The following TPPP3 variants were observed in gnomAD, a reference collection of about 807,000 sequenced individuals.
TPPP3 encodes tubulin polymerization-promoting protein family member 3.
A neutral mutation model predicts 13.1 loss-of-function variants in TPPP3; 7 were observed. The observed-to-expected ratio is 0.54, with a 90% CI of 0.30 to 1.01. The LOEUF (loss-of-function observed/expected upper bound fraction) is 1.01. Among genes scored for constraint, TPPP3 ranks in the 50% least tolerant of loss-of-function variants. The pLI is 0.06. For missense variants in TPPP3, 185 were observed against 235.0 expected (o/e 0.79, Z 1.39); for synonymous variants, 87 against 93.7 (o/e 0.93, Z 0.41).
Position 67,391,064 on chromosome 16 carries a change from C to G in TPPP3, c.48G>C (p.Lys16Asn). Residue 16 changes from lysine to asparagine, a missense_variant, in exon 2 of 4, where the codon AAG becomes AAC. Physicochemically the swap from Lys to Asn is moderately conservative, Grantham distance 94. Transcript: ENST00000393957. This position sits in a 1 kb window ranked among gnomAD's most constrained non-coding sequence, Gnocchi z 6.3. Reference protein sequence around the residue: ...DMAGLEESFRKFAIHGDPKAS... With the variant: ...DMAGLEESFRNFAIHGDPKAS... ...CCTTGGGGTCACCATGGATGGCAAA[C>G]TTGCGGAAGCTCTCCTCCAGCCCAG... 1 of 1,614,212 alleles carries G rather than the reference C, an allele frequency of 6.2e-7. No individual in the cohort carries two copies. The highest frequency in any genetic ancestry group is 1.6e-4 in the Middle Eastern group (1 of 6,062).
In TPPP3 at chr16:67,393,189, G is replaced by T; in HGVS notation, c.-7+191C>A. Reference sequence around the variant, plus strand: ...TCCCGCTCCCACTGGGACAGCTGGAGTCATCAATCAGCCGGACCAGGAGGT... The same window carrying T: ...TCCCGCTCCCACTGGGACAGCTGGATTCATCAATCAGCCGGACCAGGAGGT... On this transcript the variant is annotated intron_variant, in intron 1 of 3. Transcript: ENST00000393957. The surrounding 1 kb of genome is among the most constrained non-coding windows in gnomAD (Gnocchi z 5.4). The T allele has an allele frequency of 1.6e-6, 1 of 621,456 alleles. No individual in the cohort carries two copies. The highest frequency in any genetic ancestry group is 2.0e-6 in the Non-Finnish European group (1 of 497,438). The allele number at this position is 621,456 out of a possible 1,614,324, so 38.5% of individuals were successfully genotyped here. A position where few individuals can be genotyped will look rare whatever the true frequency, so the allele number is the denominator to read the frequency against.
Position 67,391,561 on chromosome 16 carries a change from A to C in TPPP3, c.-6-444T>G, listed in dbSNP as rs555535514. The C allele has an allele frequency of 5.5e-6, 1 of 180,880 alleles. No homozygotes were observed. Among genetic ancestry groups the C allele is most frequent in the South Asian group, 1.2e-4 (1 of 8,292 alleles). 11.2% of individuals were successfully genotyped at this position (180,880 alleles called of 1,614,324 possible). On this transcript the variant is annotated intron_variant, in intron 1 of 3. Transcript: ENST00000393957. The surrounding 1 kb of genome is among the most constrained non-coding windows in gnomAD (Gnocchi z 6.3). ...AGGCCAGGCTGCTGGTCGGGCAGGC[A>C]TTCAGTGAGGACAGCATCTCTGTAA...
chr16:67,390,827 G>T lies in TPPP3; in HGVS notation c.188+97C>A, dbSNP rs1215683742. On this transcript the variant is annotated intron_variant, in intron 2 of 3. Coordinates refer to ENST00000393957, the MANE Select transcript of TPPP3 (RefSeq NM_015964.4). This position sits in a 1 kb window ranked among gnomAD's most constrained non-coding sequence, Gnocchi z 6.4. The stretch of plus-strand genomic sequence containing the variant: ...TGGAAGAACGACCTTCGTGATCATG[G>T]TGTTTCCCTGACCCCTTCTTGATGT... 2.1e-6 allele frequency: 3 copies of T among 1,442,808 alleles called. No homozygotes were observed. The highest frequency in any genetic ancestry group is 1.4e-5 in the African/African-American group (1 of 70,788). 89.4% of individuals were successfully genotyped at this position (1,442,808 alleles called of 1,614,324 possible). A position where few individuals can be genotyped will look rare whatever the true frequency, so the allele number is the denominator to read the frequency against.
Position 67,390,726 on chromosome 16 carries a change from A to G in TPPP3, c.189-94T>C, listed in dbSNP as rs2075696536. The G allele has an allele frequency of 2.0e-6, 3 of 1,521,664 alleles. No individual in the cohort carries two copies. The highest frequency in any genetic ancestry group is 1.3e-5 in the South Asian group (1 of 78,004). The allele number at this position is 1,521,664 out of a possible 1,614,324, so 94.3% of individuals were successfully genotyped here. ...ATTTGCTGCCACCACAAATTATGCA[A>G]TTGCGTTTCTTTCCCACGTTTGGGG... On this transcript the variant is annotated intron_variant, in intron 2 of 3. Coordinates refer to ENST00000393957, the MANE Select transcript of TPPP3 (RefSeq NM_015964.4). The surrounding 1 kb of genome is among the most constrained non-coding windows in gnomAD (Gnocchi z 6.4).
Position 67,393,268 on chromosome 16 carries a change from C to T in TPPP3, c.-7+112G>A, listed in dbSNP as rs918241639. 12 of 949,872 alleles carry T rather than the reference C, an allele frequency of 1.3e-5. No individual in the cohort carries two copies. The highest frequency in any genetic ancestry group is 1.1e-4 in the African/African-American group (6 of 56,530). The allele number at this position is 949,872 out of a possible 1,614,324, so 58.8% of individuals were successfully genotyped here. A position where few individuals can be genotyped will look rare whatever the true frequency, so the allele number is the denominator to read the frequency against. On this transcript the variant is annotated intron_variant, in intron 1 of 3. Transcript: ENST00000393957. The surrounding 1 kb of genome is among the most constrained non-coding windows in gnomAD (Gnocchi z 5.4). ...CAGGGCAGGGCCGCTCAGCTGGCTCCTCGGCTGGGACCGCCGGAGGTTGGG... is the reference window on the plus strand; with the variant it reads ...CAGGGCAGGGCCGCTCAGCTGGCTCTTCGGCTGGGACCGCCGGAGGTTGGG...
Position 67,390,847 on chromosome 16 carries a change from T to C in TPPP3, c.188+77A>G. 4 of 1,516,438 alleles carry C rather than the reference T, an allele frequency of 2.6e-6. No homozygotes were observed. The highest frequency in any genetic ancestry group is 3.6e-6 in the Non-Finnish European group (4 of 1,118,476). 93.9% of individuals were successfully genotyped at this position (1,516,438 alleles called of 1,614,324 possible). On this transcript the variant is annotated intron_variant, in intron 2 of 3. Transcript: ENST00000393957. The surrounding 1 kb of genome is among the most constrained non-coding windows in gnomAD (Gnocchi z 6.4). The stretch of plus-strand genomic sequence containing the variant: ...TCATGGTGTTTCCCTGACCCCTTCT[T>C]GATGTCCTCCCTGGTTCCAGCCCCC...
rs2040337716 is a variant in TPPP3, at chr16:67,392,317, ACCCACAG to A, written c.-7+1056_-7+1062del. On this transcript the variant is annotated intron_variant, in intron 1 of 3. Coordinates refer to ENST00000393957, the MANE Select transcript of TPPP3 (RefSeq NM_015964.4). The surrounding 1 kb of genome is among the most constrained non-coding windows in gnomAD (Gnocchi z 4.9). ...AGTCCAGCACTAAAGTGCCCCCCAC[ACCCACAG>A]CCCTCCGCTGCAGACCCCTGGCCAC... Among the ~76,000 whole-genome samples the A allele has an allele frequency of 6.6e-6, 1 of 150,686 alleles. No homozygotes were observed. The highest frequency in any genetic ancestry group is 2.1e-4 in the South Asian group (1 of 4,754).
At position 67,390,690 on chromosome 16, in the gene TPPP3, A is replaced by G. The variant is rs2040316807; in HGVS notation, c.189-58T>C. The G allele has an allele frequency of 1.9e-6, 3 of 1,563,100 alleles. No homozygotes were observed. The highest frequency in any genetic ancestry group is 2.6e-6 in the Non-Finnish European group (3 of 1,160,564). On this transcript the variant is annotated intron_variant, in intron 2 of 3. Coordinates refer to ENST00000393957, the MANE Select transcript of TPPP3 (RefSeq NM_015964.4). The surrounding 1 kb of genome is among the most constrained non-coding windows in gnomAD (Gnocchi z 6.4). ...CTTTCTTTTTTCTCCCCCAGGGGAAAGCTCAAACACATTTGCTGCCACCAC... is the reference window on the plus strand; with the variant it reads ...CTTTCTTTTTTCTCCCCCAGGGGAAGGCTCAAACACATTTGCTGCCACCAC...
Position 67,392,180 on chromosome 16 carries a change from T to A in TPPP3, c.-6-1063A>T. Among the ~76,000 whole-genome samples, 1 of 151,638 alleles carries A rather than the reference T, an allele frequency of 6.6e-6. No homozygotes were observed. The highest frequency in any genetic ancestry group is 1.9e-4 in the East Asian group (1 of 5,168). ...TGCCACCCCCTGGGCCTTGTACCCCTGGCCATACCTTCAGCCCTCCATCCT... is the reference window on the plus strand; with the variant it reads ...TGCCACCCCCTGGGCCTTGTACCCCAGGCCATACCTTCAGCCCTCCATCCT... On this transcript the variant is annotated intron_variant, in intron 1 of 3. Coordinates refer to ENST00000393957, the MANE Select transcript of TPPP3 (RefSeq NM_015964.4). The surrounding 1 kb of genome is among the most constrained non-coding windows in gnomAD (Gnocchi z 4.9).
In TPPP3 at chr16:67,390,953, G is replaced by A. The variant is rs78895440; in HGVS notation, c.159C>T (p.Thr53=). ...CTTTGGAGAAGACGATGTCCACATC[G>A]GTCCCTGTCACGGACTTTCCGTCAG... ...KVADGKSVTG[T]DVDIVFSKVK... The change falls in exon 2 of 4, where the codon ACC becomes ACT. Residue 53 remains threonine (T), a synonymous_variant. Coordinates refer to ENST00000393957, the MANE Select transcript of TPPP3 (RefSeq NM_015964.4). This position sits in a 1 kb window ranked among gnomAD's most constrained non-coding sequence, Gnocchi z 6.4. The A allele has an allele frequency of 6.2e-4, 1,001 of 1,614,180 alleles. 6 individuals are homozygous for A. The East Asian group carries it at 0.015, about 23-fold the overall frequency.
chr16:67,393,205 AC>A lies in TPPP3; in HGVS notation c.-7+174del. ...ACAGCTGGAGTCATCAATCAGCCGG[AC>A]CAGGAGGTGGGGGCTGCGAGGTGGA... On this transcript the variant is annotated intron_variant, in intron 1 of 3. Coordinates refer to ENST00000393957, the MANE Select transcript of TPPP3 (RefSeq NM_015964.4). This position sits in a 1 kb window ranked among gnomAD's most constrained non-coding sequence, Gnocchi z 5.4. 1.5e-6 allele frequency: 1 copy of A among 665,934 alleles called. No individual in the cohort carries two copies. 41.3% of individuals were successfully genotyped at this position (665,934 alleles called of 1,614,324 possible).
rs139995001 is a variant in TPPP3, at chr16:67,391,046, G to A, written c.66C>T (p.Asp22=). The A allele has an allele frequency of 3.8e-5, 61 of 1,614,098 alleles. No homozygotes were observed. Among genetic ancestry groups the A allele is most frequent in the Middle Eastern group, 3.3e-4 (2 of 6,084 alleles). ...TCATCTCTTGCCCACTGGCCTTGGG[G>A]TCACCATGGATGGCAAACTTGCGGA... is the stretch of plus-strand genomic sequence containing the variant. The part of the protein sequence containing the change: ...ESFRKFAIHG[D]PKASGQEMNG... The change falls in exon 2 of 4, where the codon GAC becomes GAT. Residue 22 remains aspartate, a synonymous_variant. Transcript: ENST00000393957. This position sits in a 1 kb window ranked among gnomAD's most constrained non-coding sequence, Gnocchi z 6.3.
Position 67,390,046 on chromosome 16 carries a change from G to T in TPPP3, c.*128C>A. The T allele has an allele frequency of 1.9e-6, 2 of 1,046,646 alleles. No homozygotes were observed. The highest frequency in any genetic ancestry group is 1.6e-5 in the South Asian group (1 of 62,362). 64.8% of individuals were successfully genotyped at this position (1,046,646 alleles called of 1,614,324 possible). ...CTGGTGGGCCAGCCCAGTGGGACTA[G>T]GCAGGAAGCTCTGGGTGGCAGGTCC... On this transcript the variant is annotated 3_prime_UTR_variant, in exon 4 of 4. Transcript: ENST00000393957. The surrounding 1 kb of genome is among the most constrained non-coding windows in gnomAD (Gnocchi z 6.4).
In TPPP3 at chr16:67,392,515, ACCC is replaced by A; in HGVS notation, c.-7+862_-7+864del. On this transcript the variant is annotated intron_variant, in intron 1 of 3. Coordinates refer to ENST00000393957, the MANE Select transcript of TPPP3 (RefSeq NM_015964.4). This position sits in a 1 kb window ranked among gnomAD's most constrained non-coding sequence, Gnocchi z 4.9. ...TTATCAAGGCGCCCTGACCCTCAGCACCCCTTTGTCCACACACCCTCAGCCCTC... is the reference window on the plus strand; with the variant it reads ...TTATCAAGGCGCCCTGACCCTCAGCACTTTGTCCACACACCCTCAGCCCTC... 6.7e-6 allele frequency among the ~76,000 whole-genome samples: 1 copy of A among 149,176 alleles called. No homozygotes were observed. Among genetic ancestry groups the A allele is most frequent in the East Asian group, 2.0e-4 (1 of 5,032 alleles).
Position 67,393,423 on chromosome 16 carries a change from C to G in TPPP3, c.-50G>C, listed in dbSNP as rs967850579. ...GTGTGCGTTCGGAAGGACAGAACGACGCAGGAATGGACCGATGGACGCGGG... is the reference window on the plus strand; with the variant it reads ...GTGTGCGTTCGGAAGGACAGAACGAGGCAGGAATGGACCGATGGACGCGGG... On this transcript the variant is annotated 5_prime_UTR_variant, in exon 1 of 4. Transcript: ENST00000393957. The surrounding 1 kb of genome is among the most constrained non-coding windows in gnomAD (Gnocchi z 5.4). 1 of 985,460 alleles carries G rather than the reference C, an allele frequency of 1.0e-6. No individual in the cohort carries two copies. The highest frequency in any genetic ancestry group is 1.2e-6 in the Non-Finnish European group (1 of 830,040). 61.0% of individuals were successfully genotyped at this position (985,460 alleles called of 1,614,324 possible).
chr16:67,390,455 A>G lies in TPPP3; in HGVS notation c.342+24T>C. 6.2e-7 allele frequency: 1 copy of G among 1,611,300 alleles called. No homozygotes were observed. The highest frequency in any genetic ancestry group is 1.1e-5 in the South Asian group (1 of 90,786). ...ATTCCCCACACCCCATTCCGTGGCCACCCGAGACCAGCAGGGCACTTACAG... is the reference window on the plus strand; with the variant it reads ...ATTCCCCACACCCCATTCCGTGGCCGCCCGAGACCAGCAGGGCACTTACAG... On this transcript the variant is annotated intron_variant, in intron 3 of 3. Coordinates refer to ENST00000393957, the MANE Select transcript of TPPP3 (RefSeq NM_015964.4). This position sits in a 1 kb window ranked among gnomAD's most constrained non-coding sequence, Gnocchi z 6.4.
chr16:67,392,814 C>T lies in TPPP3; in HGVS notation c.-7+566G>A. ...TCCTCGCCAGTGACCACACTCCCATCCCTAAGTGGCAGTTTCTGGGACTGT... is the reference window on the plus strand; with the variant it reads ...TCCTCGCCAGTGACCACACTCCCATTCCTAAGTGGCAGTTTCTGGGACTGT... On this transcript the variant is annotated intron_variant, in intron 1 of 3. Transcript: ENST00000393957. This position sits in a 1 kb window ranked among gnomAD's most constrained non-coding sequence, Gnocchi z 4.9. 2 of 269,950 alleles carry T rather than the reference C, an allele frequency of 7.4e-6. No homozygotes were observed. The highest frequency in any genetic ancestry group is 1.1e-5 in the Non-Finnish European group (2 of 175,656). 16.7% of individuals were successfully genotyped at this position (269,950 alleles called of 1,614,324 possible). A position where few individuals can be genotyped will look rare whatever the true frequency, so the allele number is the denominator to read the frequency against.
chr16:67,390,512 C>T lies in TPPP3; in HGVS notation c.309G>A (p.Val103=), dbSNP rs1376988531. 6.2e-7 allele frequency: 1 copy of T among 1,613,994 alleles called. No homozygotes were observed. The highest frequency in any genetic ancestry group is 1.1e-5 in the South Asian group (1 of 91,062). Residue 103 remains valine (V), a synonymous_variant, in exon 3 of 4, where the codon GTG becomes GTA. Coordinates refer to ENST00000393957, the MANE Select transcript of TPPP3 (RefSeq NM_015964.4). The surrounding 1 kb of genome is among the most constrained non-coding windows in gnomAD (Gnocchi z 6.4). ...CCACATTGGCTGGCTCTTTGCCTGC[C>T]ACCAGCTGGCAGATGGCATCGAAGG... ...EEAFDAICQL[V]AGKEPANVGV...
chr16:67,390,664 C>A lies in TPPP3; in HGVS notation c.189-32G>T. The A allele has an allele frequency of 6.3e-7, 1 of 1,582,472 alleles. No homozygotes were observed. On this transcript the variant is annotated intron_variant, in intron 2 of 3. Coordinates refer to ENST00000393957, the MANE Select transcript of TPPP3 (RefSeq NM_015964.4). This position sits in a 1 kb window ranked among gnomAD's most constrained non-coding sequence, Gnocchi z 6.4. ...GGCATGTGGGCACCATGAGGGTTCC[C>A]CTTTCTTTTTTCTCCCCCAGGGGAA... is the stretch of plus-strand genomic sequence containing the variant.
Sources: allele counts gnomAD v4.1 joint callset (sites outside exome capture counted in the v4.1 genomes callset), GRCh38; gene constraint gnomAD v4.1.1; non-coding constraint Gnocchi (gnomAD v3.1); transcripts MANE v1.5; gene names NCBI Gene and HGNC (gene_info 2026-07-23, HGNC 2026-07-21).